Variants in NYAP2 observed in about 807,000 individuals in gnomAD.
NYAP2 encodes neuronal tyrosine-phosphorylated phosphoinositide-3-kinase adapter 2.
Under a neutral mutation model 50.4 loss-of-function variants are expected in NYAP2, and 23 were observed. That is an observed-to-expected ratio of 0.46 (90% CI 0.33 to 0.65). The LOEUF is 0.65. Ranked by LOEUF, NYAP2 falls within the 30% of genes least tolerant of loss-of-function variation. The pLI is 0.02. For missense variants in NYAP2, 885 were observed against 861.0 expected (o/e 1.03, Z -0.35); for synonymous variants, 394 against 365.2 (o/e 1.08, Z -0.90).
At chr2:225,512,896 C>CCTTCCTTCCTTCCTTCCTTCCTTG (rs1224129197) in intron 3 of NYAP2, among the ~76,000 whole-genome samples, 4 of 121,216 alleles carry the variant, frequency 3.3e-5, no homozygotes, top group African/African-American at 1.2e-4. Context: ...TTCCTTCCTT[C>CCTTCCTTCCTTCCTTCCTTCCTTG]CTTTCCTTTC....
chr2:225,626,324 T>A (rs1161733593), intron 5 of NYAP2, among the ~76,000 whole-genome samples: 1 of 152,150 alleles, frequency 6.6e-6, no homozygotes, highest in African/African-American at 2.4e-5. Context: ...GCACAGTGGC[T>A]AAGCTAGCAC....
chr2:225,656,509 T>A (rs774319021), downstream of NYAP2, among the ~76,000 whole-genome samples: 1 of 152,278 alleles, frequency 6.6e-6, no homozygotes, highest in Admixed American at 6.5e-5. Context: ...CCAGGCTGCC[T>A]CTGGAGCAGA....
In NYAP2 at chr2:225,602,877, C is replaced by T. The variant is rs117891392; in HGVS notation, c.1618+19842C>T. Among the ~76,000 whole-genome samples, 18 of 152,130 alleles carry T rather than the reference C, an allele frequency of 1.2e-4. No homozygotes were observed. The East Asian group carries it at 3.5e-3, about 29-fold the overall frequency. ...TTTTATAGCAAGTTTTGAAATCGGGCCATGTGAGACCTCCAATTTTGTTCT... is the reference window on the plus strand; with the variant it reads ...TTTTATAGCAAGTTTTGAAATCGGGTCATGTGAGACCTCCAATTTTGTTCT... On this transcript the variant is annotated intron_variant, in intron 5 of 6. Transcript: ENST00000636099.
At chr2:225,693,834 C>T in the NYAP2 span, among the ~76,000 whole-genome samples, 3 of 152,030 alleles carry the variant, frequency 2.0e-5, no homozygotes, top group South Asian at 2.1e-4. Context: ...ACACCAGGTT[C>T]CTCCAATGTA....
At chr2:225,609,633 G>C (rs1293656200) in intron 5 of NYAP2, among the ~76,000 whole-genome samples, 1 of 152,148 alleles carries the variant, frequency 6.6e-6, no homozygotes, top group African/African-American at 2.4e-5. Flanking sequence ...CCCATGTTGA[G>C]AGGTAACAGG....
At position 225,409,072 on chromosome 2, in the gene NYAP2, A is replaced by G. The variant is rs766767688; in HGVS notation, c.192A>G (p.Lys64=). Residue 64 remains lysine, a synonymous_variant, in exon 3 of 7, where the codon AAA becomes AAG. Coordinates refer to ENST00000636099, the Ensembl canonical transcript of NYAP2. ...CCTATTTGAAAGAGAAGAATGAAAA[A>G]CGCCGAAGACAAGAAGAAGCAATAA... The G allele has an allele frequency of 2.5e-6, 4 of 1,608,074 alleles. No homozygotes were observed. In the Admixed American group the frequency reaches 5.1e-5, roughly 20 times the overall value.
chr2:225,604,483 A>C (rs958311330), intron 5 of NYAP2, among the ~76,000 whole-genome samples: 4 of 152,130 alleles, frequency 2.6e-5, no homozygotes, highest in Non-Finnish European at 5.9e-5. Context: ...TTACTTGGGC[A>C]AAACCATAGT....
intron 3 of NYAP2, among the ~76,000 whole-genome samples, chr2:225,444,178 C>G (rs1210489527): frequency 6.6e-6 from 1 of 152,106 alleles, no homozygotes; most frequent in African/African-American, 2.4e-5. Flanking sequence ...CCATACAAGC[C>G]GATGATTCCC....
At chr2:225,507,823 C>A (rs1690735626) in intron 3 of NYAP2, among the ~76,000 whole-genome samples, 2 of 152,154 alleles carry the variant, frequency 1.3e-5, no homozygotes, top group Non-Finnish European at 2.9e-5. Context: ...AAATTTGATA[C>A]CAGTTTGACG....
intron 3 of NYAP2, among the ~76,000 whole-genome samples, chr2:225,440,496 C>T (rs1689452424): frequency 6.6e-6 from 1 of 152,110 alleles, no homozygotes; most frequent in Non-Finnish European, 1.5e-5. Context: ...TTCTTTAAGG[C>T]TAAGGAGCAA....
intron 4 of NYAP2, among the ~76,000 whole-genome samples, chr2:225,548,705 C>T (rs1277275846): frequency 6.6e-6 from 1 of 152,074 alleles, no homozygotes; most frequent in Non-Finnish European, 1.5e-5. Flanking sequence ...CGAGAATCCA[C>T]AATTGACAAG....
At chr2:225,486,188 CA>C (rs1690295861) in intron 3 of NYAP2, among the ~76,000 whole-genome samples, 1 of 152,128 alleles carries the variant, frequency 6.6e-6, no homozygotes. Context: ...TATTTTAGAA[CA>C]AGTGTGAAAA....
intron 3 of NYAP2, among the ~76,000 whole-genome samples, chr2:225,424,964 A>G (rs1695265056): frequency 6.6e-6 from 1 of 152,218 alleles, no homozygotes; most frequent in Admixed American, 6.5e-5. Context: ...CGTTTCCATC[A>G]TATTGAAAGT....
chr2:225,690,866 C>A, the NYAP2 span, among the ~76,000 whole-genome samples: 11 of 152,006 alleles, frequency 7.2e-5, no homozygotes, highest in Non-Finnish European at 1.5e-4. Flanking sequence ...TTATATAGCA[C>A]CAATACTAAC....
intron 6 of NYAP2, among the ~76,000 whole-genome samples, chr2:225,642,843 C>A (rs755548722): frequency 2.6e-5 from 4 of 152,080 alleles, no homozygotes; most frequent in Non-Finnish European, 5.9e-5. Flanking sequence ...TGACCATTAC[C>A]TCTCCTAAAT....
chr2:225,566,597 T>C (rs1043801489), intron 4 of NYAP2, among the ~76,000 whole-genome samples: 1 of 152,244 alleles, frequency 6.6e-6, no homozygotes, highest in Admixed American at 6.5e-5. Context: ...TGGACACTTT[T>C]GTGCTGTCAC....
At chr2:225,436,784 C>T (rs1417488799) in intron 3 of NYAP2, among the ~76,000 whole-genome samples, 2 of 150,854 alleles carry the variant, frequency 1.3e-5, no homozygotes, top group Non-Finnish European at 2.9e-5. Flanking sequence ...AAGAAGCCTC[C>T]TGGTTTCTTC....
intron 3 of NYAP2, among the ~76,000 whole-genome samples, chr2:225,471,256 T>C (rs1289142578): frequency 1.3e-5 from 2 of 152,222 alleles, no homozygotes; most frequent in Non-Finnish European, 2.9e-5. Context: ...ATTCATGTCC[T>C]CATGTGTGTC....
chr2:225,556,845 A>G (rs1180983886), intron 4 of NYAP2, among the ~76,000 whole-genome samples: 1 of 152,228 alleles, frequency 6.6e-6, no homozygotes, highest in East Asian at 1.9e-4. Context: ...ACTAATGATT[A>G]TAACAGTGTG....
Sources: gnomAD v4.1 joint callset for allele counts (sites outside exome capture counted in the v4.1 genomes callset) on GRCh38, gnomAD v4.1.1 for gene constraint, MANE v1.5 for transcripts, NCBI Gene and HGNC (gene_info 2026-07-23, HGNC 2026-07-21) for gene names.